The following VAT1L variants were observed in gnomAD, a reference collection of about 807,000 sequenced individuals.
VAT1L encodes the protein vesicle amine transport 1 like, also known as putative NADPH-dependent quinone oxidoreductase VAT1L.
Under a neutral mutation model 44.1 loss-of-function variants are expected in VAT1L, and 34 were observed. The observed-to-expected ratio is 0.77, with a 90% CI of 0.59 to 1.03. The LOEUF (loss-of-function observed/expected upper bound fraction) is 1.03. Ranked by LOEUF, VAT1L falls within the 50% of genes least tolerant of loss-of-function variation. VAT1L has a pLI of 0.00. For synonymous variants in VAT1L, 253 were observed against 202.2 expected, an observed-to-expected ratio of 1.25 and a Z score of -2.13; for missense variants, 615 against 538.8, an observed-to-expected ratio of 1.14 and a Z score of -1.40.
chr16:77,788,695 G>T lies in VAT1L; in HGVS notation c.13G>T (p.Gly5Cys). The T allele has an allele frequency of 6.4e-7, 1 of 1,551,348 alleles. No individual in the cohort carries two copies. The highest frequency in any genetic ancestry group is 1.2e-5 in the South Asian group (1 of 84,156). MAKEGVEKAEETEQM... is the reference protein window; with the variant it reads MAKECVEKAEETEQM... The stretch of plus-strand genomic sequence containing the variant: ...GCCCTCGAGCGCCATGGCCAAGGAA[G>T]GCGTGGAGAAGGCGGAGGAGACGGA... The change falls in exon 1 of 9, where the codon GGC becomes TGC. Residue 5 changes from glycine (G) to cysteine (C), a missense_variant. Transcript: ENST00000302536.
chr16:77,943,144 C>A (rs915686956), intron 7 of VAT1L, among the ~76,000 whole-genome samples: 43 of 151,432 alleles, frequency 2.8e-4, no homozygotes, highest in East Asian at 1.9e-4. Flanking sequence ...GCAACCTCCA[C>A]CTCCCGGGTT....
At chr16:77,798,100 G>A (rs1389319836) in intron 1 of VAT1L, among the ~76,000 whole-genome samples, 1 of 152,200 alleles carries the variant, frequency 6.6e-6, no homozygotes, top group Non-Finnish European at 1.5e-5. Context: ...CCTGGAGCCA[G>A]GGACATGCTA....
At chr16:77,974,093 A>G (rs1402716769) in intron 8 of VAT1L, among the ~76,000 whole-genome samples, 1 of 152,196 alleles carries the variant, frequency 6.6e-6, no homozygotes, top group Non-Finnish European at 1.5e-5. Flanking sequence ...ATTTCATTCA[A>G]TGAAGGACAC....
At chr16:77,934,127 A>C (rs1318750949) in intron 7 of VAT1L, among the ~76,000 whole-genome samples, 1 of 152,174 alleles carries the variant, frequency 6.6e-6, no homozygotes, top group Non-Finnish European at 1.5e-5. Flanking sequence ...CCTGGATAAG[A>C]CTGTTCAAAA....
At chr16:77,962,381 T>C (rs907252145) in intron 7 of VAT1L, among the ~76,000 whole-genome samples, 2 of 152,012 alleles carry the variant, frequency 1.3e-5, no homozygotes, top group Non-Finnish European at 2.9e-5. Flanking sequence ...TCCCTTTGGC[T>C]TCAACCAAAG....
chr16:77,905,876 G>A (rs184630205), intron 7 of VAT1L, among the ~76,000 whole-genome samples: 3 of 152,252 alleles, frequency 2.0e-5, no homozygotes, highest in East Asian at 1.9e-4. Flanking sequence ...CATTCCAAGC[G>A]TTCTGTCAGA....
At chr16:77,846,033 G>C (rs926754684) in intron 3 of VAT1L, among the ~76,000 whole-genome samples, 5 of 152,182 alleles carry the variant, frequency 3.3e-5, no homozygotes, top group African/African-American at 9.7e-5. Context: ...TAGCATCTCT[G>C]TGCTTCCACC....
chr16:77,889,173 G>C (rs1274224512), intron 7 of VAT1L, among the ~76,000 whole-genome samples: 1 of 152,092 alleles, frequency 6.6e-6, no homozygotes, highest in Admixed American at 6.6e-5. Flanking sequence ...CTTCATCTAT[G>C]GAATATAAAG....
chr16:77,853,842 G>A (rs1351627871), intron 3 of VAT1L, among the ~76,000 whole-genome samples: 1 of 151,820 alleles, frequency 6.6e-6, no homozygotes, highest in Non-Finnish European at 1.5e-5. Flanking sequence ...CTTCTTTTGG[G>A]GATTAAAAAA....
chr16:77,892,879 C>G, intron 7 of VAT1L: 1 of 1,080,116 alleles, frequency 9.3e-7, no homozygotes, highest in East Asian at 2.4e-5. Flanking sequence ...GCAAGACCAG[C>G]AAGAAGGTCA....
intron 7 of VAT1L, among the ~76,000 whole-genome samples, chr16:77,945,691 C>G (rs1224510671): frequency 1.3e-5 from 2 of 152,144 alleles, no homozygotes; most frequent in Non-Finnish European, 2.9e-5. Context: ...AAATCATACT[C>G]CCATTACCAA....
intron 7 of VAT1L, among the ~76,000 whole-genome samples, chr16:77,904,261 C>A (rs2017416667): frequency 6.6e-6 from 1 of 150,568 alleles, no homozygotes; most frequent in African/African-American, 2.4e-5. Context: ...TCATTCATAT[C>A]CTGCTTTTTT....
At chr16:77,952,432 G>A (rs557171054) in intron 7 of VAT1L, among the ~76,000 whole-genome samples, 11 of 152,122 alleles carry the variant, frequency 7.2e-5, no homozygotes, top group African/African-American at 2.4e-4. Flanking sequence ...GTTTAAAATT[G>A]TGGGGCCCCT....
rs747419102 is a variant in VAT1L, at chr16:77,977,723, G to T, written c.*28G>T. The T allele has an allele frequency of 1.9e-6, 3 of 1,606,368 alleles. No homozygotes were observed. Among genetic ancestry groups the T allele is most frequent in the Admixed American group, 3.4e-5 (2 of 59,342 alleles). ...GAGGACCCAGGTGGGAGAATGTGAAGGATGGTTTGGAAGATGAGGACCCGG... is the reference window on the plus strand; with the variant it reads ...GAGGACCCAGGTGGGAGAATGTGAATGATGGTTTGGAAGATGAGGACCCGG... On this transcript the variant is annotated 3_prime_UTR_variant, in exon 9 of 9. Transcript: ENST00000302536.
At chr16:77,965,813 A>C (rs2018216853) in intron 7 of VAT1L, among the ~76,000 whole-genome samples, 1 of 152,204 alleles carries the variant, frequency 6.6e-6, no homozygotes, top group Non-Finnish European at 1.5e-5. Flanking sequence ...CTGTCTCCAC[A>C]TATCCACTTT....
chr16:77,830,275 A>G (rs1320033245), intron 3 of VAT1L, among the ~76,000 whole-genome samples: 2 of 152,050 alleles, frequency 1.3e-5, no homozygotes, highest in Non-Finnish European at 2.9e-5. Flanking sequence ...TTTCTTTCCA[A>G]AATGGTATTC....
intron 7 of VAT1L, among the ~76,000 whole-genome samples, chr16:77,970,556 A>G (rs1185975983): frequency 6.6e-6 from 1 of 152,216 alleles, no homozygotes; most frequent in Non-Finnish European, 1.5e-5. Flanking sequence ...TAACAACCAC[A>G]TATCATTTCC....
At chr16:77,855,373 C>G (rs1181094022) in intron 3 of VAT1L, among the ~76,000 whole-genome samples, 1 of 151,178 alleles carries the variant, frequency 6.6e-6, no homozygotes, top group Non-Finnish European at 1.5e-5. Context: ...AATCAAGGCA[C>G]AGAGACATGA....
At chr16:77,924,252 C>T (rs1352730260) in intron 7 of VAT1L, among the ~76,000 whole-genome samples, 2 of 152,080 alleles carry the variant, frequency 1.3e-5, no homozygotes, top group Non-Finnish European at 2.9e-5. Context: ...GGAGGTTTTC[C>T]TCATGACTGC....
Sources: allele counts gnomAD v4.1 joint callset (sites outside exome capture counted in the v4.1 genomes callset), GRCh38; gene constraint gnomAD v4.1.1; transcripts MANE v1.5; gene names NCBI Gene and HGNC (gene_info 2026-07-23, HGNC 2026-07-21).